Variants in TRPM3 observed in about 807,000 individuals in gnomAD.
TRPM3 encodes long transient receptor potential channel 3.
TRPM3 carries 77 observed loss-of-function variants against 181.2 expected under a neutral mutation model. That is an observed-to-expected ratio of 0.42 (90% CI 0.35 to 0.51). The LOEUF (loss-of-function observed/expected upper bound fraction) is 0.51. Ranked by LOEUF, TRPM3 falls within the 20% of genes least tolerant of loss-of-function variation. The probability of loss-of-function intolerance (pLI) is 0.01; values close to 1 mark genes in which losing one functional copy is unlikely to be tolerated. For missense variants in TRPM3, 1,759 were observed against 2,196.7 expected, an observed-to-expected ratio of 0.80 and a Z score of 3.98; for synonymous variants, 745 against 796.4, an observed-to-expected ratio of 0.94 and a Z score of 1.09.
chr9:71,046,797 A>G (rs2059491829), intron 1 of TRPM3, among the ~76,000 whole-genome samples: 1 of 152,258 alleles, frequency 6.6e-6, no homozygotes, highest in Non-Finnish European at 1.5e-5. Flanking sequence ...CATATTGAAT[A>G]GGTATTTGTA....
At chr9:70,962,988 A>G (rs1354710530) in intron 1 of TRPM3, among the ~76,000 whole-genome samples, 1 of 152,124 alleles carries the variant, frequency 6.6e-6, no homozygotes, top group Non-Finnish European at 1.5e-5. Context: ...TGAAACACAA[A>G]CCAGTTGAGC....
chr9:70,786,102 A>G (rs1056235041), intron 6 of TRPM3, among the ~76,000 whole-genome samples: 1 of 152,032 alleles, frequency 6.6e-6, no homozygotes, highest in Non-Finnish European at 1.5e-5. Context: ...AGGTGTCTGT[A>G]AAGGAGACAG....
At chr9:71,159,908 A>C (rs1026015358) in intron 1 of TRPM3, among the ~76,000 whole-genome samples, 1 of 152,142 alleles carries the variant, frequency 6.6e-6, no homozygotes, top group Non-Finnish European at 1.5e-5. Context: ...ATGACATTCC[A>C]AAACTAGGGA....
intron 1 of TRPM3, among the ~76,000 whole-genome samples, chr9:70,939,281 CT>C (rs1439134923): frequency 1.3e-5 from 2 of 152,224 alleles, no homozygotes; most frequent in African/African-American, 4.8e-5. Context: ...TATGACAGAA[CT>C]TTCCAAGGTG....
chr9:71,072,960 G>A (rs1200498384), intron 1 of TRPM3, among the ~76,000 whole-genome samples: 1 of 152,188 alleles, frequency 6.6e-6, no homozygotes, highest in African/African-American at 2.4e-5. Flanking sequence ...AAGAAGGGCT[G>A]AAGAAGCTCG....
At chr9:71,424,689 C>T (rs2093832839) in intron 1 of TRPM3, among the ~76,000 whole-genome samples, 1 of 152,086 alleles carries the variant, frequency 6.6e-6, no homozygotes, top group African/African-American at 2.4e-5. Flanking sequence ...CTGTCTTTCA[C>T]CATCATTCTC....
At chr9:71,222,552 T>C (rs548336966) in intron 1 of TRPM3, among the ~76,000 whole-genome samples, 1 of 152,016 alleles carries the variant, frequency 6.6e-6, no homozygotes, top group Non-Finnish European at 1.5e-5. Context: ...CCTGCAGGAA[T>C]ACCAAATTTA....
At chr9:71,208,477 G>GC (rs1346266280) in intron 1 of TRPM3, among the ~76,000 whole-genome samples, 2 of 152,122 alleles carry the variant, frequency 1.3e-5, no homozygotes, top group East Asian at 3.9e-4. Flanking sequence ...ACATTTACAA[G>GC]CAGTTGTTGG....
At chr9:70,638,940 GATGA>G in intron 11 of TRPM3, 116 bp downstream of exon 11, 2 of 1,147,434 alleles carry the variant, frequency 1.7e-6, no homozygotes, top group Non-Finnish European at 2.5e-6. Context: ...GAGTATTTGT[GATGA>G]ATGAACCATG....
chr9:70,939,441 C>T (rs1002908387), intron 1 of TRPM3, among the ~76,000 whole-genome samples: 9 of 152,170 alleles, frequency 5.9e-5, no homozygotes, highest in Middle Eastern at 3.4e-3. Context: ...GGCAGTACGG[C>T]GAATATTAGT....
At chr9:71,071,396 T>C (rs1006332782) in intron 1 of TRPM3, among the ~76,000 whole-genome samples, 2 of 152,202 alleles carry the variant, frequency 1.3e-5, no homozygotes, top group African/African-American at 4.8e-5. Context: ...TGGCTTCATA[T>C]AAGATAGTGT....
intron 1 of TRPM3, among the ~76,000 whole-genome samples, chr9:71,323,955 G>C (rs2089458204): frequency 6.6e-6 from 1 of 152,092 alleles, no homozygotes. Context: ...GCCTGAGTGG[G>C]CTTCTGTCAC....
At chr9:71,063,452 G>A (rs1294347451) in intron 1 of TRPM3, among the ~76,000 whole-genome samples, 1 of 152,100 alleles carries the variant, frequency 6.6e-6, no homozygotes, top group East Asian at 1.9e-4. Context: ...ACAATATAAT[G>A]AAATGGCAGG....
chr9:71,233,534 C>G (rs902998853), intron 1 of TRPM3, among the ~76,000 whole-genome samples: 1 of 152,066 alleles, frequency 6.6e-6, no homozygotes, highest in Non-Finnish European at 1.5e-5. Flanking sequence ...ACCATAAAAA[C>G]AAAAAAATCA....
intron 2 of TRPM3, 136 bp from the exon 3 acceptor site, chr9:70,863,248 G>T: frequency 3.0e-6 from 2 of 677,774 alleles, no homozygotes; most frequent in Non-Finnish European, 4.9e-6. Flanking sequence ...CCACCATGTG[G>T]CTATATCAGG....
At chr9:70,960,802 C>T (rs1441662349) in intron 1 of TRPM3, among the ~76,000 whole-genome samples, 1 of 152,172 alleles carries the variant, frequency 6.6e-6, no homozygotes, top group African/African-American at 2.4e-5. Context: ...TCAGTCTCCT[C>T]ATCTCCGTGT....
chr9:70,660,006 TAGG>T (rs1199258005), intron 9 of TRPM3, among the ~76,000 whole-genome samples: 3 of 152,168 alleles, frequency 2.0e-5, no homozygotes, highest in Non-Finnish European at 4.4e-5. Context: ...TTTCTCTTCA[TAGG>T]ACATGAGACT....
At chr9:71,062,574 G>C (rs1165157121) in intron 1 of TRPM3, among the ~76,000 whole-genome samples, 2 of 152,036 alleles carry the variant, frequency 1.3e-5, no homozygotes, top group African/African-American at 4.8e-5. Context: ...GTTTCTTTGA[G>C]CAAATGCAAA....
intron 1 of TRPM3, among the ~76,000 whole-genome samples, chr9:70,920,729 T>A (rs1053091095): frequency 5.3e-5 from 8 of 152,186 alleles, no homozygotes; most frequent in Admixed American, 5.2e-4. Flanking sequence ...AGGAAAGATA[T>A]AATGCCAAAA....
Sources: gnomAD v4.1 joint callset for allele counts (sites outside exome capture counted in the v4.1 genomes callset) on GRCh38, gnomAD v4.1.1 for gene constraint, MANE v1.5 for transcripts, NCBI Gene and HGNC (gene_info 2026-07-23, HGNC 2026-07-21) for gene names.